Variants in SLC25A48 observed in about 807,000 individuals in gnomAD.
The protein encoded by SLC25A48 is solute carrier family 25 member 48.
SLC25A48 carries 29 observed loss-of-function variants against 32.2 expected under a neutral mutation model. The ratio of observed to expected loss-of-function variants is 0.90; its 90% CI spans 0.67 to 1.23. The LOEUF (loss-of-function observed/expected upper bound fraction) is 1.23. Ranked by LOEUF, SLC25A48 falls within the 50% of genes most tolerant of loss-of-function variation. SLC25A48 has a pLI of 0.00. For missense variants in SLC25A48, 399 were observed against 422.7 expected (o/e 0.94, Z 0.49); for synonymous variants, 164 against 172.3 (o/e 0.95, Z 0.38).
rs747404029 is a variant in SLC25A48, at chr5:135,871,831, C to G, written c.679+113C>G. The G allele has an allele frequency of 1.9e-6, 3 of 1,543,938 alleles. No homozygotes were observed. The African/African-American group carries it at 4.1e-5, about 21-fold the overall frequency. ...GGGGAGGGCAGGACACATTTAGGTA[C>G]TCACCCAACAATTCTTTGTTAGGTA... On this transcript the variant is annotated intron_variant, in intron 5 of 7. Coordinates refer to ENST00000681962, the MANE Select transcript of SLC25A48 (RefSeq NM_001349336.2).
At chr5:135,756,970 A>G (rs1396510284) in intron 3 of SLC25A48, among the ~76,000 whole-genome samples, 1 of 150,934 alleles carries the variant, frequency 6.6e-6, no homozygotes, top group South Asian at 2.1e-4. Flanking sequence ...TTAACACACT[A>G]TGATGTTAAT....
chr5:135,883,331 A>G (rs1202623287), intron 7 of SLC25A48: 3 of 985,418 alleles, frequency 3.0e-6, no homozygotes, highest in Non-Finnish European at 3.6e-6. Context: ...ACAAACGAAC[A>G]GAACAAAACA....
intron 1 of SLC25A48, among the ~76,000 whole-genome samples, chr5:135,587,648 A>T (rs971287908): frequency 6.6e-6 from 1 of 152,220 alleles, no homozygotes; most frequent in Non-Finnish European, 1.5e-5. Context: ...AGCCTTCATG[A>T]ATCTTCTATG....
In SLC25A48 at chr5:135,725,857, T is replaced by C. The variant is rs1293077295; in HGVS notation, c.-520-86666T>C. 1.4e-5 allele frequency among the ~76,000 whole-genome samples: 2 copies of C among 146,834 alleles called. 1 individual carries two copies. The highest frequency in any genetic ancestry group is 4.1e-4 in the East Asian group (2 of 4,916). On this transcript the variant is annotated intron_variant, in intron 3 of 10. Coordinates refer to the SLC25A48 transcript ENST00000646290. ...TGCAAAGTGACAAATCATGTTATGT[T>C]TACCTTAGGAACGCTAGGGTTTTCA...
intron 1 of SLC25A48, among the ~76,000 whole-genome samples, chr5:135,594,081 A>C (rs1456113134): frequency 1.3e-5 from 2 of 152,218 alleles, no homozygotes; most frequent in Non-Finnish European, 2.9e-5. Context: ...GTAAGAACAC[A>C]AGGCTTAGTC....
intron 1 of SLC25A48, among the ~76,000 whole-genome samples, chr5:135,608,405 T>C (rs1027623268): frequency 6.6e-6 from 1 of 152,246 alleles, no homozygotes; most frequent in Non-Finnish European, 1.5e-5. Context: ...TGCTTGAGTA[T>C]GTATAGCTCA....
intron 1 of SLC25A48, among the ~76,000 whole-genome samples, chr5:135,586,706 T>A (rs989852464): frequency 2.0e-5 from 3 of 152,072 alleles, no homozygotes; most frequent in Non-Finnish European, 4.4e-5. Flanking sequence ...ATGGGGAAGG[T>A]CAAGGAAACT....
At chr5:135,647,626 G>T (rs1319992160) in intron 3 of SLC25A48, among the ~76,000 whole-genome samples, 3 of 152,200 alleles carry the variant, frequency 2.0e-5, no homozygotes, top group African/African-American at 7.2e-5. Context: ...GGCATGTGCA[G>T]AGGAGGCCTC....
intron 3 of SLC25A48, among the ~76,000 whole-genome samples, chr5:135,646,397 T>C (rs1397361245): frequency 6.6e-6 from 1 of 152,094 alleles, no homozygotes; most frequent in Non-Finnish European, 1.5e-5. Flanking sequence ...TGAGGTTGTA[T>C]AGGTGGCTGC....
In SLC25A48 at chr5:135,834,871, CTT is replaced by C. The variant is rs755584690; in HGVS notation, c.26_27del (p.Phe9CysfsTer73). MGSFQLEDFAAGWIGGAAS... is the reference protein window; with the variant it reads MGSFQLEDXAAGWIGGAAS... ...CCATGGGAAGCTTCCAGCTGGAAGA[CTT>C]TGCGGCGGGCTGGATCGGAGGTGAG... On this transcript the variant is annotated frameshift_variant, in exon 1 of 8. Transcript: ENST00000681962. LOFTEE classifies it high-confidence loss of function. 3.1e-6 allele frequency: 5 copies of C among 1,605,722 alleles called. No homozygotes were observed. Among genetic ancestry groups the C allele is most frequent in the East Asian group, 4.5e-5 (2 of 44,560 alleles).
At chr5:135,664,918 C>A (rs1753486193) in intron 3 of SLC25A48, among the ~76,000 whole-genome samples, 1 of 152,166 alleles carries the variant, frequency 6.6e-6, no homozygotes, top group Non-Finnish European at 1.5e-5. Context: ...ATACTGACTT[C>A]TTTTCCTTTG....
At chr5:135,782,123 C>T (rs2126622748) in intron 3 of SLC25A48, among the ~76,000 whole-genome samples, 1 of 116,378 alleles carries the variant, frequency 8.6e-6, no homozygotes, top group African/African-American at 2.6e-5. Context: ...AGGGGTTGAA[C>T]ATCTCCCCTG....
intron 3 of SLC25A48, among the ~76,000 whole-genome samples, chr5:135,770,467 G>A (rs2126608298): frequency 6.6e-6 from 1 of 151,738 alleles, no homozygotes; most frequent in South Asian, 2.1e-4. Context: ...ATCCATAGGC[G>A]GGAAGGGTGA....
intron 2 of SLC25A48, among the ~76,000 whole-genome samples, chr5:135,846,134 T>C (rs1447317099): frequency 6.6e-6 from 1 of 152,146 alleles, no homozygotes; most frequent in Non-Finnish European, 1.5e-5. Context: ...TATTATGAAC[T>C]GCGCATGCGA....
chr5:135,870,627 G>A (rs1194132247), intron 4 of SLC25A48, among the ~76,000 whole-genome samples: 1 of 152,178 alleles, frequency 6.6e-6, no homozygotes, highest in Non-Finnish European at 1.5e-5. Flanking sequence ...CCTGGCCAGG[G>A]CTGGAGTGAG....
chr5:135,847,347 C>T (rs991979904), intron 2 of SLC25A48, among the ~76,000 whole-genome samples: 1 of 152,108 alleles, frequency 6.6e-6, no homozygotes, highest in African/African-American at 2.4e-5. Flanking sequence ...GAGTAGCAGC[C>T]TCTGGGGTCC....
intron 3 of SLC25A48, among the ~76,000 whole-genome samples, chr5:135,720,784 C>CAGG (rs1409429033): frequency 5.9e-5 from 9 of 152,002 alleles, no homozygotes; most frequent in Non-Finnish European, 1.3e-4. Flanking sequence ...GGGAGTGGAG[C>CAGG]AGGGTGGTGT....
At chr5:135,849,377 G>A (rs1055232298) in intron 2 of SLC25A48, among the ~76,000 whole-genome samples, 1 of 152,146 alleles carries the variant, frequency 6.6e-6, no homozygotes, top group African/African-American at 2.4e-5. Flanking sequence ...TGTTTTGATG[G>A]AGAATTATAG....
chr5:135,759,864 C>G, intron 3 of SLC25A48, among the ~76,000 whole-genome samples: 1 of 144,510 alleles, frequency 6.9e-6, no homozygotes, highest in South Asian at 2.2e-4. Context: ...GAGTCTCACT[C>G]TGTCGCCCAG....
Sources: gnomAD v4.1 joint callset for allele counts (sites outside exome capture counted in the v4.1 genomes callset) on GRCh38, gnomAD v4.1.1 for gene constraint, MANE v1.5 for transcripts, NCBI Gene and HGNC (gene_info 2026-07-23, HGNC 2026-07-21) for gene names.